TRAK1: variants seen among roughly 807,000 people sequenced by gnomAD.
TRAK1 encodes the protein trafficking kinesin protein 1.
In TRAK1, 33 loss-of-function variants were observed where a neutral mutation model predicts 92.1. The observed-to-expected ratio is 0.36, with a 90% confidence interval of 0.27 to 0.48. The LOEUF is 0.48. Ranked by LOEUF, TRAK1 falls within the 20% of genes least tolerant of loss-of-function variation. The pLI is 0.99. For synonymous variants in TRAK1, 521 were observed against 517.3 expected (o/e 1.01, Z -0.10); for missense variants, 1,123 against 1,257.9 (o/e 0.89, Z 1.62).
At position 42,202,904 on chromosome 3, in the gene TRAK1, G is replaced by T; in HGVS notation, c.1744+152G>T. 6.9e-7 allele frequency: 1 copy of T among 1,445,756 alleles called. No homozygotes were observed. Among genetic ancestry groups the T allele is most frequent in the Non-Finnish European group, 9.1e-7 (1 of 1,098,128 alleles). The allele number at this position is 1,445,756 out of a possible 1,614,324, so 89.6% of individuals were successfully genotyped here. Reference sequence around the variant, plus strand: ...GCTGCTGGTTTGAGTTCCTCTGAGGGTGGTGCTCAGCCTAGGCCTCCGTCC... The same window carrying T: ...GCTGCTGGTTTGAGTTCCTCTGAGGTTGGTGCTCAGCCTAGGCCTCCGTCC... On this transcript the variant is annotated intron_variant, in intron 13 of 15. Coordinates refer to ENST00000327628, the MANE Select transcript of TRAK1 (RefSeq NM_001042646.3). The surrounding 1 kb of genome is among the most constrained non-coding windows in gnomAD (Gnocchi z 6.1).
intron 1 of TRAK1, among the ~76,000 whole-genome samples, chr3:42,071,711 A>G (rs1420106221): frequency 6.6e-6 from 1 of 151,734 alleles, no homozygotes; most frequent in Admixed American, 6.6e-5. Context: ...TGTCTCAAAA[A>G]AAAAAAAAAA....
At chr3:42,048,723 C>T (rs79323914) in intron 1 of TRAK1, among the ~76,000 whole-genome samples, 93 of 152,058 alleles carry the variant, frequency 6.1e-4, no homozygotes, top group Admixed American at 3.3e-3. Context: ...CAGCACACCC[C>T]ACAACAATTT....
At chr3:42,160,590 TAA>T in intron 2 of TRAK1, 1 of 1,150,552 alleles carries the variant, frequency 8.7e-7, no homozygotes, top group South Asian at 1.6e-5. Context: ...AGTTGAGGTA[TAA>T]GTTAGAGATC....
chr3:42,212,309 C>T (rs1024355019), intron 14 of TRAK1: 2 of 985,240 alleles, frequency 2.0e-6, no homozygotes, highest in Non-Finnish European at 2.4e-6. Context: ...AGCACTATCC[C>T]AGGAACTATT....
Position 42,069,552 on chromosome 3 carries a change from C to G in TRAK1, c.-518-17552C>G, listed in dbSNP as rs142610495. Among the ~76,000 whole-genome samples the G allele has an allele frequency of 4.6e-3, 693 of 152,172 alleles. 3 individuals carry two copies. The highest frequency in any genetic ancestry group is 0.015 in the African/African-American group (643 of 41,526). ...TTTAATTATATTTTTACATGTCTCA[C>G]TTTTATTTAAATAGGGATACTATAT... On this transcript the variant is annotated intron_variant, in intron 1 of 16. Coordinates refer to the TRAK1 transcript ENST00000487159.
At chr3:42,158,493 T>G (rs1700822189) in intron 2 of TRAK1, among the ~76,000 whole-genome samples, 1 of 152,172 alleles carries the variant, frequency 6.6e-6, no homozygotes, top group Admixed American at 6.5e-5. Flanking sequence ...AAATAAGTAT[T>G]TTTTGAGTGT....
chr3:42,101,662 T>C (rs1270883115), intron 1 of TRAK1, among the ~76,000 whole-genome samples: 1 of 152,218 alleles, frequency 6.6e-6, no homozygotes. Context: ...GAAGCAGCCA[T>C]AGACATTCCC....
intron 1 of TRAK1, among the ~76,000 whole-genome samples, chr3:42,078,193 TG>T (rs1324213247): frequency 6.6e-6 from 1 of 152,108 alleles, no homozygotes; most frequent in Non-Finnish European, 1.5e-5. Flanking sequence ...TGGGGTAACA[TG>T]GGGGCTCCAG....
chr3:42,121,117 C>T (rs1709790049), intron 1 of TRAK1, among the ~76,000 whole-genome samples: 1 of 152,180 alleles, frequency 6.6e-6, no homozygotes, highest in Non-Finnish European at 1.5e-5. Flanking sequence ...ATCAACTTGA[C>T]CAACAAGATG....
In TRAK1 at chr3:42,091,561, G is replaced by A; in HGVS notation, c.91+1G>A. On this transcript the variant is annotated splice_donor_variant, in intron 1 of 15. Transcript: ENST00000327628. LOFTEE classifies it high-confidence loss of function. ...AAGCTCATTCGGACAAACGCCTGTGGTAAGTTTGTTTGCCAGGTCTGTCTG... is the reference window on the plus strand; with the variant it reads ...AAGCTCATTCGGACAAACGCCTGTGATAAGTTTGTTTGCCAGGTCTGTCTG... The A allele has an allele frequency of 6.2e-7, 1 of 1,611,292 alleles. No homozygotes were observed. The highest frequency in any genetic ancestry group is 8.5e-7 in the Non-Finnish European group (1 of 1,179,194).
chr3:42,108,825 A>G (rs2149057689), intron 1 of TRAK1, among the ~76,000 whole-genome samples: 1 of 152,256 alleles, frequency 6.6e-6, no homozygotes, highest in Non-Finnish European at 1.5e-5. Context: ...CAATTTGACC[A>G]TAATGCTCCT....
Position 42,202,821 on chromosome 3 carries a change from C to T in TRAK1, c.1744+69C>T, listed in dbSNP as rs754485569. ...CTCCCTTTGGTCCCTGATCCACCTG[C>T]GGAAGGCGGGGCACCTCTGTCACGC... On this transcript the variant is annotated intron_variant, in intron 13 of 15. Coordinates refer to ENST00000327628, the MANE Select transcript of TRAK1 (RefSeq NM_001042646.3). The surrounding 1 kb of genome is among the most constrained non-coding windows in gnomAD (Gnocchi z 6.1). The T allele has an allele frequency of 2.4e-5, 38 of 1,589,232 alleles. No homozygotes were observed. In the East Asian group the frequency reaches 4.8e-4, roughly 20 times the overall value.
intron 2 of TRAK1, among the ~76,000 whole-genome samples, chr3:42,153,272 C>A (rs776697195): frequency 3.3e-5 from 5 of 151,998 alleles, no homozygotes; most frequent in Non-Finnish European, 7.4e-5. Flanking sequence ...AATGTGGTGG[C>A]ATGCGCCTAT....
intron 1 of TRAK1, among the ~76,000 whole-genome samples, chr3:42,096,963 T>G (rs1449489696): frequency 2.6e-5 from 4 of 152,256 alleles, no homozygotes; most frequent in Admixed American, 6.5e-5. Context: ...TTCCCAGACC[T>G]CTGCCTTTCC....
intron 10 of TRAK1, 98 bp from the exon 11 acceptor site, chr3:42,199,079 G>T: frequency 8.1e-7 from 1 of 1,239,872 alleles, no homozygotes; most frequent in Non-Finnish European, 1.2e-6. Flanking sequence ...CTGATGCCTT[G>T]GTTTACTCTC....
intron 10 of TRAK1, among the ~76,000 whole-genome samples, chr3:42,197,565 G>T (rs1356605796): frequency 1.3e-5 from 2 of 152,108 alleles, no homozygotes; most frequent in Non-Finnish European, 2.9e-5. Flanking sequence ...GGTGTATGAA[G>T]GTCCTTTCTT....
At chr3:42,060,160 C>G (rs1161321895) in intron 1 of TRAK1, among the ~76,000 whole-genome samples, 1 of 152,026 alleles carries the variant, frequency 6.6e-6, no homozygotes, top group African/African-American at 2.4e-5. Context: ...CACAAAAGCT[C>G]CATCCACATG....
chr3:42,082,029 C>T (rs969496756), intron 1 of TRAK1, among the ~76,000 whole-genome samples: 12 of 152,148 alleles, frequency 7.9e-5, no homozygotes, highest in African/African-American at 2.9e-4. Flanking sequence ...AGAACTGTGG[C>T]TTGTGTTTCC....
At chr3:42,141,858 G>A (rs1388686652) in intron 2 of TRAK1, among the ~76,000 whole-genome samples, 1 of 152,272 alleles carries the variant, frequency 6.6e-6, no homozygotes, top group East Asian at 1.9e-4. Context: ...CAGCAGGGCC[G>A]GGCACGGTGG....
Sources: allele counts gnomAD v4.1 joint callset (sites outside exome capture counted in the v4.1 genomes callset), GRCh38; gene constraint gnomAD v4.1.1; non-coding constraint Gnocchi (gnomAD v3.1); transcripts MANE v1.5; gene names NCBI Gene and HGNC (gene_info 2026-07-23, HGNC 2026-07-21).